Variants in TRIM9 observed in about 807,000 individuals in gnomAD.
The protein encoded by TRIM9 is tripartite motif containing 9, also known as E3 ubiquitin-protein ligase TRIM9.
A neutral mutation model predicts 78.3 loss-of-function variants in TRIM9; 26 were observed. The ratio of observed to expected loss-of-function variants is 0.33; its 90% CI spans 0.24 to 0.46. The LOEUF (loss-of-function observed/expected upper bound fraction) is 0.46. Among genes scored for constraint, TRIM9 ranks in the 20% least tolerant of loss-of-function variants. The probability of loss-of-function intolerance (pLI) is 1.00; values close to 1 mark genes in which losing one functional copy is unlikely to be tolerated. For synonymous variants in TRIM9, 398 were observed against 416.5 expected (o/e 0.96, Z 0.54); for missense variants, 787 against 1,036.4 (o/e 0.76, Z 3.30).
chr14:51,057,006 G>A (rs2060945651), intron 1 of TRIM9, among the ~76,000 whole-genome samples: 1 of 152,128 alleles, frequency 6.6e-6, no homozygotes, highest in East Asian at 1.9e-4. Flanking sequence ...ATGAATAAAC[G>A]AACCCATCTC....
At chr14:50,999,237 C>T (rs72687116) in intron 6 of TRIM9, among the ~76,000 whole-genome samples, 4,159 of 151,692 alleles carry the variant, frequency 0.027, 89 homozygotes, top group Non-Finnish European at 0.039. Context: ...TTGGGAAAAC[C>T]GGGAGAGTTA....
At chr14:50,978,481 A>C (rs1275412940) in intron 12 of TRIM9, among the ~76,000 whole-genome samples, 1 of 152,082 alleles carries the variant, frequency 6.6e-6, no homozygotes, top group East Asian at 1.9e-4. Flanking sequence ...CATGCCTTAG[A>C]AACTGTGCAC....
chr14:51,020,781 G>C (rs71422011), intron 3 of TRIM9, among the ~76,000 whole-genome samples: 6,720 of 152,274 alleles, frequency 0.044, 204 homozygotes, highest in East Asian at 0.15. Context: ...CTTTGATAGG[G>C]ATAAATGATG....
At chr14:50,997,455 G>A (rs1235953910) in intron 7 of TRIM9, 1 of 985,516 alleles carries the variant, frequency 1.0e-6, no homozygotes, top group African/African-American at 1.7e-5. Flanking sequence ...GTGCCCACAG[G>A]AAGTCTCAAT....
intron 5 of TRIM9, among the ~76,000 whole-genome samples, chr14:51,006,940 G>A (rs545982075): frequency 2.0e-5 from 3 of 152,138 alleles, no homozygotes; most frequent in Non-Finnish European, 2.9e-5. Flanking sequence ...GCATGAACTC[G>A]CAGTTCCCAT....
intron 1 of TRIM9, among the ~76,000 whole-genome samples, chr14:51,047,367 G>A (rs2060030700): frequency 6.6e-6 from 1 of 152,120 alleles, no homozygotes; most frequent in Non-Finnish European, 1.5e-5. Flanking sequence ...TTTCATCATG[G>A]CTGTTTCCCA....
At chr14:51,065,551 T>G (rs1466066225) in intron 1 of TRIM9, among the ~76,000 whole-genome samples, 1 of 152,148 alleles carries the variant, frequency 6.6e-6, no homozygotes, top group African/African-American at 2.4e-5. Context: ...CTGAGCTAAG[T>G]GGAAGAAGTA....
chr14:50,979,590 T>C (rs1175773482), intron 11 of TRIM9, 41 bp from the exon 12 acceptor site: 1 of 1,559,758 alleles, frequency 6.4e-7, no homozygotes, highest in Non-Finnish European at 8.8e-7. Flanking sequence ...TTCCTTGTGG[T>C]CACTCTAGAA....
intron 1 of TRIM9, among the ~76,000 whole-genome samples, chr14:51,028,941 G>A (rs1168970239): frequency 6.6e-6 from 1 of 152,068 alleles, no homozygotes; most frequent in Non-Finnish European, 1.5e-5. Flanking sequence ...GGCTCCCCTT[G>A]CCTCCCCAGG....
intron 7 of TRIM9, chr14:50,997,151 C>T (rs923358295): frequency 3.5e-5 from 34 of 985,260 alleles, no homozygotes; most frequent in Non-Finnish European, 4.1e-5. Flanking sequence ...TGTCAGAATG[C>T]TTTGGCACCA....
chr14:51,024,300 G>C (rs775631531), intron 2 of TRIM9, among the ~76,000 whole-genome samples: 7 of 152,156 alleles, frequency 4.6e-5, no homozygotes, highest in Non-Finnish European at 1.0e-4. Flanking sequence ...AAACTCCATT[G>C]CTTTGGAAAA....
chr14:51,035,686 G>A (rs2059084194), intron 1 of TRIM9, among the ~76,000 whole-genome samples: 1 of 152,194 alleles, frequency 6.6e-6, no homozygotes, highest in African/African-American at 2.4e-5. Flanking sequence ...AGAGAAAACA[G>A]CTTTCTGGAA....
intron 1 of TRIM9, among the ~76,000 whole-genome samples, chr14:51,056,998 G>T (rs959385539): frequency 6.6e-6 from 1 of 152,154 alleles, no homozygotes; most frequent in Non-Finnish European, 1.5e-5. Context: ...AAAAAAGAAT[G>T]AATAAACGAA....
intron 1 of TRIM9, among the ~76,000 whole-genome samples, chr14:51,083,723 T>C (rs73290818): frequency 0.031 from 4,650 of 152,256 alleles, 254 homozygotes; most frequent in African/African-American, 0.11. Flanking sequence ...GAGATACATA[T>C]CCAAGTGGAG....
intron 1 of TRIM9, among the ~76,000 whole-genome samples, chr14:51,081,883 C>T (rs1472655073): frequency 6.6e-6 from 1 of 152,204 alleles, no homozygotes; most frequent in Non-Finnish European, 1.5e-5. Flanking sequence ...ACTCTCCCAG[C>T]ACCTCCACGT....
At chr14:50,987,136 T>C (rs994412236) in intron 7 of TRIM9, among the ~76,000 whole-genome samples, 1 of 152,250 alleles carries the variant, frequency 6.6e-6, no homozygotes, top group African/African-American at 2.4e-5. Context: ...GAAGGTAATA[T>C]GCCATGTCCA....
chr14:51,047,523 GA>G (rs1596261222), intron 1 of TRIM9, among the ~76,000 whole-genome samples: 1 of 152,214 alleles, frequency 6.6e-6, no homozygotes, highest in East Asian at 1.9e-4. Flanking sequence ...TAGAAACCAA[GA>G]GAGGACACTC....
intron 7 of TRIM9, among the ~76,000 whole-genome samples, chr14:50,989,483 A>G (rs1343630830): frequency 6.6e-6 from 1 of 152,210 alleles, no homozygotes; most frequent in Non-Finnish European, 1.5e-5. Flanking sequence ...TTCACAATAC[A>G]TGATACAAAG....
At chr14:51,027,552 C>T (rs946644012) in intron 1 of TRIM9, among the ~76,000 whole-genome samples, 3 of 151,610 alleles carry the variant, frequency 2.0e-5, no homozygotes, top group African/African-American at 4.9e-5. Context: ...AGAACATTTT[C>T]GATCACCTGT....
Sources: allele counts gnomAD v4.1 joint callset (sites outside exome capture counted in the v4.1 genomes callset), GRCh38; gene constraint gnomAD v4.1.1; transcripts MANE v1.5; gene names NCBI Gene and HGNC (gene_info 2026-07-23, HGNC 2026-07-21).